The following PTOV1 variants were observed in gnomAD, a reference collection of about 807,000 sequenced individuals.
PTOV1 encodes prostate tumor-overexpressed gene 1 protein.
A neutral mutation model predicts 58.0 loss-of-function variants in PTOV1; 20 were observed. The ratio of observed to expected loss-of-function variants is 0.34; its 90% CI spans 0.24 to 0.50. The LOEUF (loss-of-function observed/expected upper bound fraction) is 0.50, where lower values mean the gene tolerates loss of function less well. Among genes scored for constraint, PTOV1 ranks in the 20% least tolerant of loss-of-function variants. The pLI is 0.98. For missense variants in PTOV1, 593 were observed against 565.4 expected, an observed-to-expected ratio of 1.05 and a Z score of -0.50; for synonymous variants, 335 against 234.2, an observed-to-expected ratio of 1.43 and a Z score of -3.93.
exon 12 of PTOV1, chr19:49,860,477 G>A (rs367843481): frequency 1.7e-5 from 14 of 819,652 alleles, no homozygotes; most frequent in East Asian, 8.1e-5. Flanking sequence ...CTAGGCTGTC[G>A]GGAAACTGCA....
exon 5 of PTOV1, chr19:49,855,058 G>A (rs757073263): frequency 8.8e-6 from 14 of 1,594,996 alleles, no homozygotes; most frequent in African/African-American, 2.7e-5. Context: ...GGGCTCTGCC[G>A]CATCATGGGC....
chr19:49,857,901 A>G lies in PTOV1; in HGVS notation c.805-3A>G. 6.2e-7 allele frequency: 1 copy of G among 1,613,512 alleles called. No homozygotes were observed. The highest frequency in any genetic ancestry group is 8.5e-7 in the Non-Finnish European group (1 of 1,179,598). ...GGGCTCCTCTTTGCCTCTCCCCCAAAAGCCCAGGCCTGAGCCCAACAGTCG... is the reference window on the plus strand; with the variant it reads ...GGGCTCCTCTTTGCCTCTCCCCCAAGAGCCCAGGCCTGAGCCCAACAGTCG... On this transcript the variant is annotated splice_region_variant and splice_polypyrimidine_tract_variant and intron_variant, in intron 7 of 11. Transcript: ENST00000391842.
chr19:49,853,209 C>G (rs1215482135), intron 1 of PTOV1: 1 of 152,296 alleles, frequency 6.6e-6, no homozygotes, highest in South Asian at 2.1e-4. Flanking sequence ...TTGGAAAATA[C>G]CTGTTTGTAA....
intron 1 of PTOV1, among the ~76,000 whole-genome samples, chr19:49,853,639 A>G (rs1410278944): frequency 6.6e-6 from 1 of 151,732 alleles, no homozygotes; most frequent in Admixed American, 6.6e-5. Flanking sequence ...TAATAAAAAT[A>G]GTGGGGAGAG....
chr19:49,855,155 C>CG, intron 5 of PTOV1, 78 bp downstream of exon 5: 2 of 1,381,622 alleles, frequency 1.4e-6, no homozygotes, highest in East Asian at 2.5e-5. Flanking sequence ...ACAGTCCAGG[C>CG]GGGGGTCGGG....
chr19:49,851,616 A>T, intron 1 of PTOV1, 117 bp downstream of exon 1: 3 of 987,630 alleles, frequency 3.0e-6, no homozygotes, highest in Non-Finnish European at 2.5e-6. Context: ...TGTGGCCCGA[A>T]GGGTGGTCCC....
exon 1 of PTOV1, chr19:49,851,213 G>A: frequency 8.5e-7 from 1 of 1,170,978 alleles, no homozygotes; most frequent in South Asian, 4.1e-5. Context: ...AGCTTGGTAC[G>A]GCTCAGCCCG....
exon 1 of PTOV1, chr19:49,851,373 C>T: frequency 1.8e-6 from 2 of 1,137,768 alleles, no homozygotes; most frequent in Non-Finnish European, 2.2e-6. Flanking sequence ...GCGCCGGGGG[C>T]CCCCTCGGGG....
At chr19:49,854,700 C>T (rs753853560) in exon 3 of PTOV1, 3 of 1,613,508 alleles carry the variant, frequency 1.9e-6, no homozygotes, top group Admixed American at 3.3e-5. Flanking sequence ...GCGGACCCTG[C>T]CCTGCCAAGC....
intron 5 of PTOV1, 92 bp downstream of exon 5, chr19:49,855,169 T>G (rs1382444385): frequency 7.7e-7 from 1 of 1,294,074 alleles, no homozygotes; most frequent in Non-Finnish European, 1.1e-6. Context: ...GGTCGGGGGG[T>G]CTCCCCTGGG....
chr19:49,859,925 G>A, intron 10 of PTOV1, 61 bp from the exon 11 acceptor site: 1 of 1,570,094 alleles, frequency 6.4e-7, no homozygotes, highest in Non-Finnish European at 8.8e-7. Flanking sequence ...ATGATGCCGT[G>A]GTTGGAGGGA....
At chr19:49,855,147 A>G (rs897058817) in intron 5 of PTOV1, 70 bp downstream of exon 5, 2 of 1,437,736 alleles carry the variant, frequency 1.4e-6, no homozygotes, top group Admixed American at 2.0e-5. Context: ...CTGCTCACAC[A>G]GTCCAGGCGG....
intron 5 of PTOV1, chr19:49,856,024 A>G (rs1419947091): frequency 2.0e-5 from 3 of 152,114 alleles, no homozygotes; most frequent in African/African-American, 4.8e-5. Context: ...CTGTTGGGAC[A>G]GTCTGCCTCT....
rs770996438 is a variant in PTOV1, at chr19:49,860,384, G to A, written c.*105G>A. 3.8e-5 allele frequency: 49 copies of A among 1,274,166 alleles called. 3 individuals are homozygous for A. The East Asian group carries it at 3.9e-4, about 10-fold the overall frequency. The allele number at this position is 1,274,166 out of a possible 1,614,324, so 78.9% of individuals were successfully genotyped here. A position where few individuals can be genotyped will look rare whatever the true frequency, so the allele number is the denominator to read the frequency against. On this transcript the variant is annotated 3_prime_UTR_variant, in exon 12 of 12. Transcript: ENST00000391842. ...ACAGGAGGGACCCTGGGGCATGTGG[G>A]GGGGGTGGGGTTGGGAAAGAAGCAG...
upstream of PTOV1, chr19:49,851,064 C>G (rs2074220602): frequency 6.8e-7 from 1 of 1,475,722 alleles, no homozygotes; most frequent in Non-Finnish European, 9.0e-7. Context: ...ACACTCCGCT[C>G]CCGCCCGGGC....
rs2074578087 is a variant in PTOV1 at position 49,858,396 on chromosome 19, T to C, written c.937-153T>C. 61 of 706,860 alleles carry C rather than the reference T, an allele frequency of 8.6e-5. No homozygotes were observed. The South Asian group carries it at 1.1e-3, about 12-fold the overall frequency. 43.8% of individuals were successfully genotyped at this position (706,860 alleles called of 1,614,324 possible). A position where few individuals can be genotyped will look rare whatever the true frequency, so the allele number is the denominator to read the frequency against. ...GAGCGGCTTCCACAGCACTCCAGGGTTGGGCTGGTTGAGCGGTGGAGATGA... is the reference window on the plus strand; with the variant it reads ...GAGCGGCTTCCACAGCACTCCAGGGCTGGGCTGGTTGAGCGGTGGAGATGA... On this transcript the variant is annotated intron_variant, in intron 9 of 11. Transcript: ENST00000391842.
At chr19:49,851,744 C>T in intron 1 of PTOV1, 1 of 1,103,190 alleles carries the variant, frequency 9.1e-7, no homozygotes, top group Non-Finnish European at 1.1e-6. Flanking sequence ...GCTCATATTA[C>T]TGCTGACTCC....
In PTOV1 at chr19:49,858,051, C is replaced by T; in HGVS notation, c.879-6C>T. 6.2e-7 allele frequency: 1 copy of T among 1,614,082 alleles called. No homozygotes were observed. On this transcript the variant is annotated splice_region_variant and splice_polypyrimidine_tract_variant and intron_variant, in intron 8 of 11. Transcript: ENST00000391842. The stretch of plus-strand genomic sequence containing the variant: ...TTCCTGACCCTCGTCCCTTTGTGCC[C>T]CACAGGAGGACCGAGCAGTGGCCAA...
At chr19:49,858,677 G>C (rs191131310) in intron 10 of PTOV1, 24 bp downstream of exon 10, 8 of 1,559,882 alleles carry the variant, frequency 5.1e-6, no homozygotes, top group African/African-American at 1.4e-5. Flanking sequence ...GCAGACGCAG[G>C]GGAGGGGCCG....
Sources: gnomAD v4.1 joint callset for allele counts (sites outside exome capture counted in the v4.1 genomes callset) on GRCh38, gnomAD v4.1.1 for gene constraint, MANE v1.5 for transcripts, NCBI Gene and HGNC (gene_info 2026-07-23, HGNC 2026-07-21) for gene names.